BLOC1S5: variants seen among roughly 807,000 people sequenced by gnomAD.
BLOC1S5 encodes the protein biogenesis of lysosomal organelles complex 1 subunit 5, also known as biogenesis of lysosome-related organelles complex 1 subunit 5.
Under a neutral mutation model 24.3 loss-of-function variants are expected in BLOC1S5, and 27 were observed. The observed-to-expected ratio is 1.11, with a 90% CI of 0.82 to 1.53. The LOEUF (loss-of-function observed/expected upper bound fraction) is 1.53, where lower values mean the gene tolerates loss of function less well. Among genes scored for constraint, BLOC1S5 ranks in the 40% most tolerant of loss-of-function variants. The pLI, the probability that BLOC1S5 is intolerant of heterozygous loss-of-function variation, is 0.00. For missense variants in BLOC1S5, 239 were observed against 229.4 expected (o/e 1.04, Z -0.27); for synonymous variants, 84 against 74.5 (o/e 1.13, Z -0.66).
intron 2 of BLOC1S5, among the ~76,000 whole-genome samples, chr6:8,042,189 ATATTT>A (rs1425239082): frequency 1.3e-5 from 2 of 152,222 alleles, no homozygotes; most frequent in Non-Finnish European, 2.9e-5. Flanking sequence ...AGATTGCCAC[ATATTT>A]TATTAGAAGG....
intron 2 of BLOC1S5, among the ~76,000 whole-genome samples, chr6:8,060,969 C>T (rs552305276): frequency 1.3e-5 from 2 of 152,288 alleles, no homozygotes; most frequent in African/African-American, 4.8e-5. Context: ...GGACTACAGG[C>T]ACATGCCACC....
In BLOC1S5 at chr6:8,026,378, C is replaced by G. The variant is rs369022314; in HGVS notation, c.373G>C (p.Glu125Gln). ...AAATGATCTTTTACCTTTTTTCGTT[C>G]CTGTTCCCTCTGTTGGAGTCTACAG... is the stretch of plus-strand genomic sequence containing the variant. ...SVCRLQQREQERKKIHSDHLV... is the reference protein window; with the variant it reads ...SVCRLQQREQQRKKIHSDHLV... The change falls in exon 4 of 5, where the codon GAA (glutamate) becomes CAA (glutamine). Residue 125 changes from glutamate to glutamine, a missense_variant. By Grantham distance (29) the Glu-to-Gln change is conservative (BLOSUM62 2). Coordinates refer to ENST00000397457, the MANE Select transcript of BLOC1S5 (RefSeq NM_201280.3). The G allele has an allele frequency of 4.8e-5, 78 of 1,610,732 alleles. No homozygotes were observed. In the Admixed American group the frequency reaches 7.4e-4, roughly 15 times the overall value.
In BLOC1S5 at chr6:8,013,753, A is replaced by G. The variant is rs1762652070; in HGVS notation, c.*1896T>C. On this transcript the variant is annotated 3_prime_UTR_variant, in exon 5 of 5. Transcript: ENST00000397457. Reference sequence around the variant, plus strand: ...ATTCCAAAAAGTGTCTACGGTACAAAGGGAATTTTCATTTAAGGCTCCCCT... The same window carrying G: ...ATTCCAAAAAGTGTCTACGGTACAAGGGGAATTTTCATTTAAGGCTCCCCT... 1 of 152,214 alleles carries G rather than the reference A, an allele frequency of 6.6e-6. No individual in the cohort carries two copies. Among genetic ancestry groups the G allele is most frequent in the Non-Finnish European group, 1.5e-5 (1 of 68,034 alleles). 9.4% of individuals were successfully genotyped at this position (152,214 alleles called of 1,614,324 possible).
At chr6:8,057,983 C>T (rs550874871) in intron 2 of BLOC1S5, among the ~76,000 whole-genome samples, 67 of 152,276 alleles carry the variant, frequency 4.4e-4, no homozygotes, top group Admixed American at 3.3e-3. Flanking sequence ...ACCATGATGA[C>T]TCTTTGTTTA....
intron 4 of BLOC1S5, among the ~76,000 whole-genome samples, chr6:8,023,891 C>G (rs1189405565): frequency 6.6e-6 from 1 of 151,716 alleles, no homozygotes; most frequent in Admixed American, 6.6e-5. Flanking sequence ...TCTGCCATGT[C>G]ACAGATTCAG....
At chr6:8,026,287 T>C in intron 4 of BLOC1S5, 80 bp downstream of exon 4, 1 of 1,192,638 alleles carries the variant, frequency 8.4e-7, no homozygotes, top group South Asian at 1.3e-5. Flanking sequence ...TCAGAGAATT[T>C]TCTGATCAAA....
chr6:8,041,655 C>CTTTTTTTTT lies in BLOC1S5; in HGVS notation c.196-396_196-388dup, dbSNP rs1554139177. 8.9e-4 allele frequency among the ~76,000 whole-genome samples: 100 copies of CTTTTTTTTT among 111,824 alleles called. 6 individuals carry two copies. Among genetic ancestry groups the CTTTTTTTTT allele is most frequent in the East Asian group, 8.4e-3 (28 of 3,334 alleles). 73.4% of individuals were successfully genotyped at this position (111,824 alleles called of 152,430 possible). A position where few individuals can be genotyped will look rare whatever the true frequency, so the allele number is the denominator to read the frequency against. ...TAGTAATTACTTTCTTTCTTTCTTT[C>CTTTTTTTTT]TTTTTTTTTGAGATGCAGTCTCGCC... On this transcript the variant is annotated intron_variant, in intron 2 of 4. Transcript: ENST00000397457.
At chr6:8,051,419 G>T (rs1348462252) in intron 2 of BLOC1S5, among the ~76,000 whole-genome samples, 1 of 152,156 alleles carries the variant, frequency 6.6e-6, no homozygotes, top group Non-Finnish European at 1.5e-5. Context: ...GCAGAGGTTG[G>T]TTCATGAGAT....
At chr6:8,037,507 C>G (rs1260124564) in intron 3 of BLOC1S5, among the ~76,000 whole-genome samples, 1 of 152,134 alleles carries the variant, frequency 6.6e-6, no homozygotes, top group South Asian at 2.1e-4. Context: ...TATCCATGCT[C>G]TGTAACTGGA....
chr6:8,022,587 T>C (rs1762956354), intron 4 of BLOC1S5, among the ~76,000 whole-genome samples: 1 of 125,684 alleles, frequency 8.0e-6, no homozygotes, highest in Non-Finnish European at 1.6e-5. Context: ...TTCTTTTTTT[T>C]TTTTCTTTTT....
intron 2 of BLOC1S5, among the ~76,000 whole-genome samples, chr6:8,044,333 G>C (rs1445431662): frequency 1.3e-5 from 2 of 148,222 alleles, no homozygotes; most frequent in Non-Finnish European, 3.0e-5. Flanking sequence ...CTCCCACCAT[G>C]ATTCTGAGGC....
chr6:8,035,685 T>A (rs1415660066), intron 3 of BLOC1S5, among the ~76,000 whole-genome samples: 4 of 151,728 alleles, frequency 2.6e-5, no homozygotes, highest in South Asian at 2.1e-4. Flanking sequence ...AGCAAGAGGG[T>A]TGTAACAATT....
rs756972606 is a variant in BLOC1S5, at chr6:8,022,579, C to CTTTTTTTTTTTTTTTTTTT, written c.384+3787_384+3788insAAAAAAAAAAAAAAAAAAA. On this transcript the variant is annotated intron_variant, in intron 4 of 4. Coordinates refer to ENST00000397457, the MANE Select transcript of BLOC1S5 (RefSeq NM_201280.3). Reference sequence around the variant, plus strand: ...TATTTTCAAACTCTATTTTTTTTTTCTTTTTTTTTTTTCTTTTTTTTTTGA... The same window carrying CTTTTTTTTTTTTTTTTTTT: ...TATTTTCAAACTCTATTTTTTTTTTCTTTTTTTTTTTTTTTTTTTTTTTTTTTTTTTCTTTTTTTTTTGA... Among the ~76,000 whole-genome samples the CTTTTTTTTTTTTTTTTTTT allele has an allele frequency of 5.5e-4, 41 of 74,308 alleles. 7 individuals carry two copies. The highest frequency in any genetic ancestry group is 1.8e-3 in the East Asian group (4 of 2,278). 48.7% of individuals were successfully genotyped at this position (74,308 alleles called of 152,430 possible).
At chr6:8,020,239 T>C (rs1762873120) in intron 4 of BLOC1S5, among the ~76,000 whole-genome samples, 1 of 152,176 alleles carries the variant, frequency 6.6e-6, no homozygotes, top group Non-Finnish European at 1.5e-5. Context: ...ACCTACAACA[T>C]CTCCATTAAG....
chr6:8,048,121 C>T (rs780164201), intron 2 of BLOC1S5, among the ~76,000 whole-genome samples: 9 of 152,184 alleles, frequency 5.9e-5, no homozygotes, highest in South Asian at 4.1e-4. Context: ...ATAGGACAAA[C>T]GCAAGGCCTT....
At chr6:8,053,026 C>G (rs1010115295) in intron 2 of BLOC1S5, among the ~76,000 whole-genome samples, 1 of 152,088 alleles carries the variant, frequency 6.6e-6, no homozygotes, top group Non-Finnish European at 1.5e-5. Flanking sequence ...GGAATCTACT[C>G]CTGGTGAAAT....
chr6:8,028,917 C>G (rs893113777), intron 3 of BLOC1S5, among the ~76,000 whole-genome samples: 3 of 151,768 alleles, frequency 2.0e-5, no homozygotes. Context: ...TAACTCAGTA[C>G]GAAGTCATTT....
At chr6:8,061,159 T>G (rs1196666363) in intron 2 of BLOC1S5, among the ~76,000 whole-genome samples, 2 of 152,152 alleles carry the variant, frequency 1.3e-5, no homozygotes, top group Non-Finnish European at 2.9e-5. Context: ...GGTAACCATC[T>G]TTACACAGCA....
chr6:8,030,556 A>C (rs2113537439), intron 3 of BLOC1S5, among the ~76,000 whole-genome samples: 1 of 152,006 alleles, frequency 6.6e-6, no homozygotes, highest in South Asian at 2.1e-4. Flanking sequence ...CAGTAGAATG[A>C]ATCAAGCAGA....
Sources: gnomAD v4.1 joint callset for allele counts (sites outside exome capture counted in the v4.1 genomes callset) on GRCh38, gnomAD v4.1.1 for gene constraint, MANE v1.5 for transcripts, NCBI Gene and HGNC (gene_info 2026-07-23, HGNC 2026-07-21) for gene names.